PCDH15: variants seen among roughly 807,000 people sequenced by gnomAD.
PCDH15 encodes protocadherin-15.
A neutral mutation model predicts 178.5 loss-of-function variants in PCDH15; 129 were observed. The ratio of observed to expected loss-of-function variants is 0.72; its 90% CI spans 0.63 to 0.84. The LOEUF (loss-of-function observed/expected upper bound fraction) is 0.84. Ranked by LOEUF, PCDH15 falls within the 40% of genes least tolerant of loss-of-function variation. The pLI, the probability that PCDH15 is intolerant of heterozygous loss-of-function variation, is 0.00. For missense variants in PCDH15, 2,230 were observed against 2,099.9 expected (o/e 1.06, Z -1.21); for synonymous variants, 800 against 732.0 (o/e 1.09, Z -1.50).
intron 2 of PCDH15, among the ~76,000 whole-genome samples, chr10:55,335,854 G>GT (rs1426851210): frequency 1.3e-5 from 2 of 152,108 alleles, no homozygotes; most frequent in East Asian, 3.9e-4. Flanking sequence ...ATATGATTAA[G>GT]TATCATTTGA....
rs1948469163 is a variant in PCDH15, at chr10:54,376,567, A to G, written c.318+2215T>C. On this transcript the variant is annotated intron_variant, in intron 4 of 37. Transcript: ENST00000644397. ...TGAATTCTCTACTATATCTTTGTAG[A>G]AAATATTAACTAGGATCATAGAGAA... Among the ~76,000 whole-genome samples, 3 of 151,500 alleles carry G rather than the reference A, an allele frequency of 2.0e-5. No individual in the cohort carries two copies. The South Asian group carries it at 6.2e-4, about 31-fold the overall frequency.
At chr10:54,719,286 T>G (rs973164920) in intron 1 of PCDH15, among the ~76,000 whole-genome samples, 3 of 152,106 alleles carry the variant, frequency 2.0e-5, no homozygotes, top group Admixed American at 6.6e-5. Flanking sequence ...GGAAGACAGA[T>G]CTTTTCAATT....
chr10:54,913,945 A>T (rs919025139), intron 2 of PCDH15, among the ~76,000 whole-genome samples: 14 of 152,158 alleles, frequency 9.2e-5, no homozygotes, highest in Non-Finnish European at 1.3e-4. Flanking sequence ...CTTAGAACTA[A>T]CTATCTTGTT....
intron 2 of PCDH15, among the ~76,000 whole-genome samples, chr10:55,515,697 A>T (rs999659858): frequency 1.3e-5 from 2 of 152,066 alleles, no homozygotes; most frequent in Admixed American, 6.6e-5. Context: ...ATATACTGTA[A>T]CCAAAAAGGT....
At chr10:54,112,422 T>C (rs1479307626) in intron 15 of PCDH15, among the ~76,000 whole-genome samples, 1 of 152,082 alleles carries the variant, frequency 6.6e-6, no homozygotes, top group African/African-American at 2.4e-5. Context: ...GGGGCAAAAT[T>C]GTATCTGACA....
chr10:55,087,733 A>G (rs1842209312), intron 2 of PCDH15, among the ~76,000 whole-genome samples: 2 of 152,130 alleles, frequency 1.3e-5, no homozygotes, highest in Non-Finnish European at 2.9e-5. Context: ...TGGCAGAACC[A>G]GAAAATATTG....
intron 2 of PCDH15, among the ~76,000 whole-genome samples, chr10:55,042,456 G>A (rs1290122687): frequency 6.6e-6 from 1 of 151,996 alleles, no homozygotes; most frequent in East Asian, 1.9e-4. Context: ...GCAGTAACAC[G>A]ATATTATGTA....
At chr10:54,035,559 C>T (rs562434876) in intron 18 of PCDH15, among the ~76,000 whole-genome samples, 2 of 151,882 alleles carry the variant, frequency 1.3e-5, no homozygotes, top group African/African-American at 4.8e-5. Context: ...ACACATGGTC[C>T]AAGATGAGAT....
At chr10:55,294,054 G>A (rs547770187) in intron 1 of PCDH15, among the ~76,000 whole-genome samples, 45 of 152,244 alleles carry the variant, frequency 3.0e-4, no homozygotes, top group Non-Finnish European at 4.7e-4. Context: ...AGTTCCACAT[G>A]GCTGAGGAGG....
chr10:53,975,577 C>A (rs1025368276), intron 21 of PCDH15, among the ~76,000 whole-genome samples: 5 of 152,004 alleles, frequency 3.3e-5, no homozygotes, highest in Non-Finnish European at 7.4e-5. Context: ...TGTATGTTTT[C>A]TTTTGAGAAG....
chr10:54,310,357 T>A (rs2060828770), intron 8 of PCDH15, among the ~76,000 whole-genome samples: 1 of 152,080 alleles, frequency 6.6e-6, no homozygotes, highest in African/African-American at 2.4e-5. Flanking sequence ...GATGCCGAGT[T>A]TAGAGTATGT....
At chr10:53,881,203 T>C (rs1211543781) in intron 26 of PCDH15, among the ~76,000 whole-genome samples, 1 of 152,188 alleles carries the variant, frequency 6.6e-6, no homozygotes, top group Non-Finnish European at 1.5e-5. Flanking sequence ...CAGGATTTGT[T>C]AGCCAGACTC....
chr10:54,691,976 T>C (rs1025383900), intron 1 of PCDH15, among the ~76,000 whole-genome samples: 1 of 152,174 alleles, frequency 6.6e-6, no homozygotes. Flanking sequence ...AAAGGATATA[T>C]ATCCAAATTT....
intron 8 of PCDH15, among the ~76,000 whole-genome samples, chr10:54,303,874 G>T (rs1030906071): frequency 6.6e-6 from 1 of 152,090 alleles, no homozygotes; most frequent in Non-Finnish European, 1.5e-5. Flanking sequence ...TCATATTAAA[G>T]AGATGCTTCT....
chr10:53,893,469 T>A (rs974924226), intron 26 of PCDH15, among the ~76,000 whole-genome samples: 2 of 152,118 alleles, frequency 1.3e-5, no homozygotes, highest in Admixed American at 6.5e-5. Flanking sequence ...TTTTAAGAAG[T>A]CATTATATGA....
At chr10:54,719,596 A>G (rs1386912574) in intron 1 of PCDH15, among the ~76,000 whole-genome samples, 1 of 151,804 alleles carries the variant, frequency 6.6e-6, no homozygotes, top group East Asian at 1.9e-4. Flanking sequence ...TGCCATGGTG[A>G]TTTGCTGCAC....
chr10:54,628,021 C>A (rs1013762547), intron 2 of PCDH15, among the ~76,000 whole-genome samples: 1 of 152,250 alleles, frequency 6.6e-6, no homozygotes, highest in African/African-American at 2.4e-5. Context: ...TCTCATATTT[C>A]CTCTTGAGGA....
intron 3 of PCDH15, among the ~76,000 whole-genome samples, chr10:54,503,848 AT>A (rs1306903334): frequency 6.6e-6 from 1 of 152,064 alleles, no homozygotes; most frequent in Non-Finnish European, 1.5e-5. Context: ...TTTTACTGTA[AT>A]AAAGGCAGTC....
chr10:54,902,517 C>T (rs545503436), intron 2 of PCDH15, among the ~76,000 whole-genome samples: 51 of 152,306 alleles, frequency 3.3e-4, no homozygotes, highest in Admixed American at 1.4e-3. Flanking sequence ...TGCCATTCTG[C>T]CATGACTGTA....
Sources: gnomAD v4.1 joint callset for allele counts (sites outside exome capture counted in the v4.1 genomes callset) on GRCh38, gnomAD v4.1.1 for gene constraint, MANE v1.5 for transcripts, NCBI Gene and HGNC (gene_info 2026-07-23, HGNC 2026-07-21) for gene names.